The following FAM20B variants were observed in gnomAD, a reference collection of about 807,000 sequenced individuals.
FAM20B encodes FAM20B glycosaminoglycan xylosylkinase, also known as glycosaminoglycan xylosylkinase.
FAM20B carries 23 observed loss-of-function variants against 43.8 expected under a neutral mutation model. The ratio of observed to expected loss-of-function variants is 0.53; its 90% CI spans 0.38 to 0.74. The LOEUF (loss-of-function observed/expected upper bound fraction) is 0.74, where lower values mean the gene tolerates loss of function less well. Ranked by LOEUF, FAM20B falls within the 30% of genes least tolerant of loss-of-function variation. FAM20B has a pLI of 0.00. For missense variants in FAM20B, 440 were observed against 510.5 expected (o/e 0.86, Z 1.33); for synonymous variants, 178 against 192.4 (o/e 0.93, Z 0.62).
intron 1 of FAM20B, among the ~76,000 whole-genome samples, chr1:179,034,822 A>G (rs1039504800): frequency 1.3e-5 from 2 of 152,178 alleles, no homozygotes; most frequent in African/African-American, 2.4e-5. Context: ...CTTACTAAGC[A>G]TTTCCTTTGT....
chr1:179,026,866 T>A (rs1259800551), intron 1 of FAM20B, among the ~76,000 whole-genome samples: 1 of 152,250 alleles, frequency 6.6e-6, no homozygotes, highest in East Asian at 1.9e-4. Context: ...TAATCTGACT[T>A]CTGTTAACCT....
chr1:179,045,633 G>A (rs1323122369), intron 2 of FAM20B, among the ~76,000 whole-genome samples: 4 of 152,200 alleles, frequency 2.6e-5, no homozygotes, highest in African/African-American at 9.6e-5. Flanking sequence ...GGCTGGGCGT[G>A]ATGGCTCATG....
intron 3 of FAM20B, among the ~76,000 whole-genome samples, chr1:179,051,923 C>T (rs1651024561): frequency 6.6e-6 from 1 of 152,034 alleles, no homozygotes; most frequent in South Asian, 2.1e-4. Context: ...GCTGGGATTA[C>T]AGACGTGAGT....
chr1:179,052,316 G>T (rs897854441), intron 3 of FAM20B, among the ~76,000 whole-genome samples: 5 of 152,064 alleles, frequency 3.3e-5, no homozygotes, highest in Non-Finnish European at 7.4e-5. Context: ...ATCCTCACCA[G>T]AAATTTTTAA....
At chr1:179,069,367 T>TTTTTG (rs541939924) in intron 7 of FAM20B, among the ~76,000 whole-genome samples, 1 of 152,212 alleles carries the variant, frequency 6.6e-6, no homozygotes, top group East Asian at 1.9e-4. Context: ...TTTGTTTTTG[T>TTTTTG]TTTTGTTTTG....
rs1030654079 is a variant in FAM20B, at chr1:179,074,349, C to T, written c.*2205C>T. On this transcript the variant is annotated 3_prime_UTR_variant, in exon 8 of 8. Coordinates refer to ENST00000263733, the MANE Select transcript of FAM20B (RefSeq NM_014864.4). ...CAGTATGAGAATACCTTGGTTAGTG[C>T]TCACCCACAAGCTTCCAGGAGCCAG... 6.6e-6 allele frequency: 1 copy of T among 152,636 alleles called. No individual in the cohort carries two copies. Among genetic ancestry groups the T allele is most frequent in the Non-Finnish European group, 1.5e-5 (1 of 68,048 alleles). 9.5% of individuals were successfully genotyped at this position (152,636 alleles called of 1,614,324 possible). A position where few individuals can be genotyped will look rare whatever the true frequency, so the allele number is the denominator to read the frequency against.
At chr1:179,061,663 C>T (rs1044748039) in intron 4 of FAM20B, among the ~76,000 whole-genome samples, 1 of 152,154 alleles carries the variant, frequency 6.6e-6, no homozygotes, top group African/African-American at 2.4e-5. Context: ...TCTCCCTTGG[C>T]CTCCCAAAGT....
At chr1:179,032,313 CTTTTTTTTTT>C (rs547439601) in intron 1 of FAM20B, among the ~76,000 whole-genome samples, 6 of 111,932 alleles carry the variant, frequency 5.4e-5, no homozygotes, top group Admixed American at 9.9e-5. Flanking sequence ...AGGTCTCATT[CTTTTTTTTTT>C]TTTTTTTTTT....
Position 179,044,074 on chromosome 1 carries a change from T to G in FAM20B, c.227T>G (p.Val76Gly), listed in dbSNP as rs1198891783. 1.2e-6 allele frequency: 2 copies of G among 1,614,032 alleles called. No individual in the cohort carries two copies. Among genetic ancestry groups the G allele is most frequent in the Non-Finnish European group, 1.7e-6 (2 of 1,180,000 alleles). ...GCCCAGTGGGTGGTTCCCCGGGAAG[T>G]GTACCCTGAAGAGACACCAGAGCTG... ...IAAQWVVPRE[V>G]YPEETPELGA... The change falls in exon 2 of 8, where the codon GTG (valine) becomes GGG (glycine). Residue 76 changes from valine to glycine, a missense_variant. Physicochemically the swap from Val to Gly is moderately radical, Grantham distance 109. Coordinates refer to ENST00000263733, the MANE Select transcript of FAM20B (RefSeq NM_014864.4).
chr1:179,067,638 T>A (rs188943928), intron 7 of FAM20B, among the ~76,000 whole-genome samples: 23 of 152,126 alleles, frequency 1.5e-4, no homozygotes, highest in Admixed American at 7.2e-4. Context: ...ATTGGTTTTT[T>A]TAAAAAAACT....
intron 1 of FAM20B, among the ~76,000 whole-genome samples, chr1:179,040,242 GTTGGGC>G: frequency 6.6e-6 from 1 of 152,196 alleles, no homozygotes; most frequent in African/African-American, 2.4e-5. Flanking sequence ...CCAGTGAGCC[GTTGGGC>G]ACACCTCCCA....
chr1:179,060,351 G>A (rs561196792), intron 4 of FAM20B, among the ~76,000 whole-genome samples: 137 of 152,208 alleles, frequency 9.0e-4, no homozygotes, highest in Non-Finnish European at 1.5e-3. Flanking sequence ...GAATTACCTT[G>A]TATATATGTC....
intron 2 of FAM20B, among the ~76,000 whole-genome samples, chr1:179,045,098 T>C (rs1369653365): frequency 6.6e-6 from 1 of 152,232 alleles, no homozygotes; most frequent in African/African-American, 2.4e-5. Flanking sequence ...TTGGACTTCC[T>C]AGGGATCTAC....
At chr1:179,050,132 A>T (rs1650943305) in intron 2 of FAM20B, 147 bp from the exon 3 acceptor site, 2 of 569,096 alleles carry the variant, frequency 3.5e-6, no homozygotes, top group South Asian at 4.6e-5. Context: ...CCGGCAATTC[A>T]TGCTAATCCA....
At chr1:179,044,982 A>G (rs904768018) in intron 2 of FAM20B, among the ~76,000 whole-genome samples, 1 of 152,240 alleles carries the variant, frequency 6.6e-6, no homozygotes, top group African/African-American at 2.4e-5. Flanking sequence ...GTTTCAGATC[A>G]TAGCTGTTCT....
chr1:179,042,460 C>T (rs904347710), intron 1 of FAM20B, among the ~76,000 whole-genome samples: 2 of 152,204 alleles, frequency 1.3e-5, no homozygotes, highest in Non-Finnish European at 2.9e-5. Context: ...CACCAGGAAC[C>T]TCAGAACCCC....
At chr1:179,031,165 T>C (rs1036276981) in intron 1 of FAM20B, among the ~76,000 whole-genome samples, 22 of 152,236 alleles carry the variant, frequency 1.4e-4, no homozygotes, top group African/African-American at 5.1e-4. Flanking sequence ...AGGAAAATGT[T>C]ATAATATTTG....
chr1:179,047,260 C>CA (rs1650810997), intron 2 of FAM20B, among the ~76,000 whole-genome samples: 1 of 152,128 alleles, frequency 6.6e-6, no homozygotes, highest in Admixed American at 6.5e-5. Flanking sequence ...ACTACCACTG[C>CA]AGCCTTCTCA....
intron 1 of FAM20B, chr1:179,035,499 T>C: frequency 1.5e-6 from 1 of 684,858 alleles, no homozygotes; most frequent in South Asian, 1.4e-5. Context: ...TTCAGAAATG[T>C]CCCTGACTGC....
Sources: allele counts gnomAD v4.1 joint callset (sites outside exome capture counted in the v4.1 genomes callset), GRCh38; gene constraint gnomAD v4.1.1; transcripts MANE v1.5; gene names NCBI Gene and HGNC (gene_info 2026-07-23, HGNC 2026-07-21).